Variants in COPA observed in about 807,000 individuals in gnomAD.
COPA encodes the protein coatomer subunit alpha.
COPA carries 10 observed loss-of-function variants against 158.7 expected under a neutral mutation model. That is an observed-to-expected ratio of 0.06 (90% CI 0.04 to 0.11). COPA has a LOEUF of 0.11. Ranked by LOEUF, COPA falls within the 10% of genes least tolerant of loss-of-function variation. The pLI, the probability that COPA is intolerant of heterozygous loss-of-function variation, is 1.00. For missense variants in COPA, 1,065 were observed against 1,536.7 expected, an observed-to-expected ratio of 0.69 and a Z score of 5.13; for synonymous variants, 462 against 542.8, an observed-to-expected ratio of 0.85 and a Z score of 2.07.
At chr1:160,293,045 C>T (rs1173181671) in intron 27 of COPA, 121 bp downstream of exon 27, 1 of 1,025,530 alleles carries the variant, frequency 9.8e-7, no homozygotes, top group Non-Finnish European at 1.5e-6. Flanking sequence ...AAAGAGTTTT[C>T]ATGAAAAATA....
chr1:160,295,910 G>A (rs746202178), intron 22 of COPA, 51 bp from the exon 23 acceptor site: 4 of 1,582,646 alleles, frequency 2.5e-6, no homozygotes, highest in East Asian at 2.2e-5. Context: ...TGGAAGTCAC[G>A]TAAGGAAAGT....
intron 7 of COPA, among the ~76,000 whole-genome samples, chr1:160,324,626 G>GT (rs761367520): frequency 6.6e-6 from 1 of 151,772 alleles, no homozygotes; most frequent in Non-Finnish European, 1.5e-5. Context: ...TTATTCTTTC[G>GT]TAAGTATACA....
At chr1:160,332,588 T>A (rs1647578214) in intron 5 of COPA, 31 bp from the exon 6 acceptor site, 1 of 1,488,180 alleles carries the variant, frequency 6.7e-7, no homozygotes, top group South Asian at 1.2e-5. Context: ...AATACCAAAT[T>A]AGAGGTGGAA....
chr1:160,292,644 G>A (rs759265188), intron 27 of COPA, 24 bp from the exon 28 acceptor site: 2 of 1,561,774 alleles, frequency 1.3e-6, no homozygotes, highest in Admixed American at 4.3e-5. Context: ...AAAGAAACAA[G>A]GATTTTGGCC....
chr1:160,342,783 T>C (rs1648147180), intron 1 of COPA, among the ~76,000 whole-genome samples: 1 of 152,010 alleles, frequency 6.6e-6, no homozygotes, highest in South Asian at 2.1e-4. Flanking sequence ...CCACTCCATA[T>C]AACACAGTCA....
chr1:160,336,903 C>T (rs1318436932), intron 3 of COPA, among the ~76,000 whole-genome samples: 1 of 130,872 alleles, frequency 7.6e-6, no homozygotes, highest in Non-Finnish European at 1.8e-5. Context: ...GTCCATCATG[C>T]TCAACACTAT....
At chr1:160,334,303 GCA>G (rs1647663853) in intron 4 of COPA, among the ~76,000 whole-genome samples, 1 of 152,018 alleles carries the variant, frequency 6.6e-6, no homozygotes, top group African/African-American at 2.4e-5. Context: ...TCAGTATTTA[GCA>G]CAAAGCTTAG....
intron 16 of COPA, 26 bp from the exon 17 acceptor site, chr1:160,305,597 T>C: frequency 6.2e-7 from 1 of 1,614,166 alleles, no homozygotes. Context: ...GGCATGAGTG[T>C]TCTGTTGGAT....
chr1:160,309,741 TC>T (rs146053371), intron 12 of COPA, among the ~76,000 whole-genome samples: 4 of 126,462 alleles, frequency 3.2e-5, no homozygotes, highest in African/African-American at 3.0e-5. Context: ...GAATGTCATT[TC>T]TTTTTTTTTT....
chr1:160,307,355 A>G (rs1658824495), intron 13 of COPA, 110 bp from the exon 14 acceptor site: 2 of 985,224 alleles, frequency 2.0e-6, no homozygotes, highest in African/African-American at 3.2e-5. Context: ...TGGCTTTGCC[A>G]GTTGAGCTGC....
At chr1:160,304,179 A>C (rs1557864089) in intron 17 of COPA, among the ~76,000 whole-genome samples, 1 of 150,730 alleles carries the variant, frequency 6.6e-6, no homozygotes, top group Non-Finnish European at 1.5e-5. Flanking sequence ...ACACCCAGCT[A>C]ATTTTTTTTT....
At chr1:160,310,577 G>A in intron 11 of COPA, 1 of 176,066 alleles carries the variant, frequency 5.7e-6, no homozygotes, top group Non-Finnish European at 1.2e-5. Flanking sequence ...ACACGTAATT[G>A]CAGTGGACAC....
At chr1:160,300,632 T>A (rs1036623109) in intron 17 of COPA, among the ~76,000 whole-genome samples, 1 of 152,172 alleles carries the variant, frequency 6.6e-6, no homozygotes, top group African/African-American at 2.4e-5. Context: ...CTTTGCTTTA[T>A]GAAATTCACA....
chr1:160,296,165 A>G lies in COPA; in HGVS notation c.2264-16T>C. The G allele has an allele frequency of 6.2e-7, 1 of 1,610,118 alleles. No individual in the cohort carries two copies. The highest frequency in any genetic ancestry group is 8.5e-7 in the Non-Finnish European group (1 of 1,176,420). On this transcript the variant is annotated splice_polypyrimidine_tract_variant and intron_variant, in intron 21 of 32. Transcript: ENST00000241704. ...GCCAGGGACTCTGTAGAGAAAACAG[A>G]CTTTGTGGTATAGGTACATTTCCAA...
intron 17 of COPA, among the ~76,000 whole-genome samples, chr1:160,302,883 A>T (rs1658663330): frequency 1.3e-5 from 2 of 152,196 alleles, no homozygotes; most frequent in South Asian, 4.2e-4. Context: ...TTAAAAACTT[A>T]TATGAAGGGC....
At chr1:160,314,621 C>A (rs888468505) in intron 8 of COPA, among the ~76,000 whole-genome samples, 1 of 152,180 alleles carries the variant, frequency 6.6e-6, no homozygotes, top group African/African-American at 2.4e-5. Context: ...CAGAGCAAGA[C>A]CCTGTCTCAA....
chr1:160,309,858 A>T (rs1571161984), intron 12 of COPA, among the ~76,000 whole-genome samples: 1 of 151,426 alleles, frequency 6.6e-6, no homozygotes, highest in Admixed American at 6.6e-5. Flanking sequence ...TTCTATTTTC[A>T]CCCAAAGGAA....
intron 14 of COPA, among the ~76,000 whole-genome samples, chr1:160,306,842 A>G (rs753095944): frequency 4.6e-5 from 7 of 152,206 alleles, no homozygotes; most frequent in Non-Finnish European, 8.8e-5. Flanking sequence ...TCAAGTAACA[A>G]TGGAGGCAGC....
chr1:160,313,289 G>T, intron 9 of COPA, 122 bp from the exon 10 acceptor site: 1 of 797,618 alleles, frequency 1.3e-6, no homozygotes, highest in Non-Finnish European at 2.1e-6. Context: ...AGAGTAAACT[G>T]CATATCCTAA....
Sources: gnomAD v4.1 joint callset for allele counts (sites outside exome capture counted in the v4.1 genomes callset) on GRCh38, gnomAD v4.1.1 for gene constraint, MANE v1.5 for transcripts, NCBI Gene and HGNC (gene_info 2026-07-23, HGNC 2026-07-21) for gene names.